FHIP1A: variants seen among roughly 807,000 people sequenced by gnomAD.
FHIP1A encodes the protein FHF complex subunit HOOK interacting protein 1A.
Under a neutral mutation model 88.6 loss-of-function variants are expected in FHIP1A, and 61 were observed. That is an observed-to-expected ratio of 0.69 (90% CI 0.56 to 0.85). The LOEUF (loss-of-function observed/expected upper bound fraction) is 0.85, where lower values mean the gene tolerates loss of function less well. FHIP1A is among the 40% of genes least tolerant of loss of function. FHIP1A has a pLI of 0.00. For missense variants in FHIP1A, 1,154 were observed against 1,273.5 expected (o/e 0.91, Z 1.43); for synonymous variants, 478 against 496.0 (o/e 0.96, Z 0.48).
At chr4:151,498,506 C>G (rs114045303) in intron 3 of FHIP1A, among the ~76,000 whole-genome samples, 1 of 152,088 alleles carries the variant, frequency 6.6e-6, no homozygotes, top group Non-Finnish European at 1.5e-5. Flanking sequence ...TCACTCTACT[C>G]CCTGGGTATC....
At chr4:151,467,156 T>G (rs1226145734) in intron 2 of FHIP1A, among the ~76,000 whole-genome samples, 1 of 152,122 alleles carries the variant, frequency 6.6e-6, no homozygotes, top group Non-Finnish European at 1.5e-5. Flanking sequence ...TATCAAAAAG[T>G]GGGCAAAGGA....
intron 3 of FHIP1A, among the ~76,000 whole-genome samples, chr4:151,526,308 A>G (rs374413003): frequency 1.3e-5 from 2 of 149,426 alleles, no homozygotes; most frequent in East Asian, 2.0e-4. Context: ...CGGGCAGAGG[A>G]GCTCCTCACT....
intron 4 of FHIP1A, among the ~76,000 whole-genome samples, chr4:151,568,778 T>A (rs1456803090): frequency 6.6e-6 from 1 of 152,170 alleles, no homozygotes; most frequent in Non-Finnish European, 1.5e-5. Flanking sequence ...GAGATTTTGC[T>A]ACGTTGGCTA....
intron 7 of FHIP1A, among the ~76,000 whole-genome samples, chr4:151,614,162 CA>C (rs111483557): frequency 0.34 from 41,479 of 122,290 alleles, 5,910 homozygotes; most frequent in Middle Eastern, 0.42. Context: ...GACTCCATCT[CA>C]AAAAAAAAAA....
chr4:151,599,187 A>G (rs1734765430), intron 7 of FHIP1A, among the ~76,000 whole-genome samples: 1 of 152,220 alleles, frequency 6.6e-6, no homozygotes, highest in Non-Finnish European at 1.5e-5. Flanking sequence ...TAACATAGGT[A>G]ATATAGGAAT....
intron 5 of FHIP1A, among the ~76,000 whole-genome samples, chr4:151,582,770 G>T (rs949876024): frequency 3.9e-5 from 6 of 152,168 alleles, no homozygotes; most frequent in Middle Eastern, 3.2e-3. Context: ...TGTGTGTGTG[G>T]ATGGGAATCC....
intron 1 of FHIP1A, among the ~76,000 whole-genome samples, chr4:151,426,385 G>A (rs1005255799): frequency 6.6e-6 from 1 of 152,052 alleles, no homozygotes; most frequent in African/African-American, 2.4e-5. Flanking sequence ...GTATGAGACT[G>A]CAGATATCCT....
intron 3 of FHIP1A, among the ~76,000 whole-genome samples, chr4:151,516,527 G>C: frequency 6.6e-6 from 1 of 151,880 alleles, no homozygotes; most frequent in Non-Finnish European, 1.5e-5. Flanking sequence ...CTACAAAATG[G>C]GATAAAATTT....
At chr4:151,472,393 A>G (rs979547628) in intron 2 of FHIP1A, among the ~76,000 whole-genome samples, 4 of 152,098 alleles carry the variant, frequency 2.6e-5, no homozygotes, top group Non-Finnish European at 5.9e-5. Context: ...AAGAAAAGTT[A>G]ATTGACTCAA....
At chr4:151,544,081 A>G (rs1359440356) in intron 3 of FHIP1A, among the ~76,000 whole-genome samples, 1 of 152,148 alleles carries the variant, frequency 6.6e-6, no homozygotes, top group Non-Finnish European at 1.5e-5. Flanking sequence ...CTGAGTACTT[A>G]TTTGGCTAAT....
chr4:151,538,436 A>G (rs574798862), intron 3 of FHIP1A, among the ~76,000 whole-genome samples: 5 of 152,316 alleles, frequency 3.3e-5, no homozygotes, highest in African/African-American at 1.2e-4. Flanking sequence ...TTTAAAATGC[A>G]GATTCCTGGA....
intron 1 of FHIP1A, among the ~76,000 whole-genome samples, chr4:151,438,257 G>A (rs976798619): frequency 2.0e-5 from 3 of 151,992 alleles, no homozygotes; most frequent in African/African-American, 7.2e-5. Context: ...GTGTGTAATG[G>A]GACTATTTTC....
intron 3 of FHIP1A, among the ~76,000 whole-genome samples, chr4:151,502,338 A>G (rs1730683945): frequency 6.6e-6 from 1 of 151,806 alleles, no homozygotes; most frequent in South Asian, 2.1e-4. Context: ...AAACAAACAA[A>G]CAAACAAACA....
At chr4:151,619,061 A>G (rs1290184322) in intron 7 of FHIP1A, among the ~76,000 whole-genome samples, 1 of 152,146 alleles carries the variant, frequency 6.6e-6, no homozygotes, top group Non-Finnish European at 1.5e-5. Context: ...GCCAGAGTGG[A>G]ACAGGAAGCG....
intron 1 of FHIP1A, among the ~76,000 whole-genome samples, chr4:151,450,967 C>T (rs901786006): frequency 2.0e-5 from 3 of 151,676 alleles, no homozygotes; most frequent in Non-Finnish European, 1.5e-5. Context: ...TAATAGAGAT[C>T]GTGTTTCATC....
intron 7 of FHIP1A, among the ~76,000 whole-genome samples, chr4:151,614,909 C>T (rs964911227): frequency 6.6e-6 from 1 of 152,092 alleles, no homozygotes; most frequent in Non-Finnish European, 1.5e-5. Context: ...CTTTTTTCCC[C>T]CTCTTATCAT....
At chr4:151,462,385 A>G (rs1403749944) in intron 2 of FHIP1A, among the ~76,000 whole-genome samples, 1 of 152,146 alleles carries the variant, frequency 6.6e-6, no homozygotes, top group Non-Finnish European at 1.5e-5. Context: ...CTGTCTGAAC[A>G]GTTTCTTCAG....
intron 3 of FHIP1A, among the ~76,000 whole-genome samples, chr4:151,511,786 C>T (rs1478479490): frequency 6.6e-6 from 1 of 152,252 alleles, no homozygotes; most frequent in African/African-American, 2.4e-5. Context: ...AGGCAGGAAG[C>T]TTGAACTGGG....
intron 3 of FHIP1A, among the ~76,000 whole-genome samples, chr4:151,491,102 GC>G (rs905788528): frequency 7.2e-5 from 11 of 152,156 alleles, no homozygotes; most frequent in Non-Finnish European, 1.0e-4. Context: ...CCCTGGTCTT[GC>G]TAGAGATCTA....
Sources: allele counts gnomAD v4.1 joint callset (sites outside exome capture counted in the v4.1 genomes callset), GRCh38; gene constraint gnomAD v4.1.1; transcripts MANE v1.5; gene names NCBI Gene and HGNC (gene_info 2026-07-23, HGNC 2026-07-21).